IMPG1: variants seen among roughly 807,000 people sequenced by gnomAD.
The protein encoded by IMPG1 is interphotoreceptor matrix proteoglycan of 150 kDa.
Under a neutral mutation model 92.0 loss-of-function variants are expected in IMPG1, and 85 were observed. The observed-to-expected ratio is 0.92, with a 90% CI of 0.78 to 1.11. IMPG1 has a LOEUF of 1.11. Among genes scored for constraint, IMPG1 ranks in the 50% least tolerant of loss-of-function variants. The pLI is 0.00. For synonymous variants in IMPG1, 367 were observed against 334.1 expected, an observed-to-expected ratio of 1.10 and a Z score of -1.08; for missense variants, 1,022 against 956.0, an observed-to-expected ratio of 1.07 and a Z score of -0.91.
chr6:76,029,097 G>A (rs866143425), intron 4 of IMPG1, among the ~76,000 whole-genome samples: 5 of 152,226 alleles, frequency 3.3e-5, no homozygotes, highest in Non-Finnish European at 5.9e-5. Flanking sequence ...ACTCAGTGGG[G>A]AAACTGGCCT....
intron 1 of IMPG1, among the ~76,000 whole-genome samples, chr6:76,066,884 C>G (rs1784319023): frequency 6.6e-6 from 1 of 151,968 alleles, no homozygotes; most frequent in South Asian, 2.1e-4. Flanking sequence ...AACTAGAAAT[C>G]AATCCCAAGA....
chr6:75,927,663 A>T (rs1781579850), intron 15 of IMPG1, among the ~76,000 whole-genome samples: 1 of 151,946 alleles, frequency 6.6e-6, no homozygotes, highest in African/African-American at 2.4e-5. Flanking sequence ...AAAAGGGCAA[A>T]ATTGGGGTAA....
chr6:75,944,442 GACTT>G (rs530699315), intron 14 of IMPG1, among the ~76,000 whole-genome samples: 50 of 152,218 alleles, frequency 3.3e-4, no homozygotes, highest in African/African-American at 1.0e-3. Context: ...ATCCATATTT[GACTT>G]ACTAATTCTG....
At chr6:75,971,240 TTC>T (rs1426029799) in intron 12 of IMPG1, among the ~76,000 whole-genome samples, 1 of 149,316 alleles carries the variant, frequency 6.7e-6, no homozygotes, top group African/African-American at 2.5e-5. Context: ...ACACCGCATG[TTC>T]TCACTCATAG....
intron 5 of IMPG1, among the ~76,000 whole-genome samples, chr6:76,022,635 A>T (rs949766726): frequency 2.6e-5 from 4 of 152,226 alleles, no homozygotes; most frequent in Admixed American, 2.6e-4. Flanking sequence ...TAAGATTTTA[A>T]TCAGAAAATC....
chr6:76,010,908 A>G (rs1327662060), intron 8 of IMPG1, among the ~76,000 whole-genome samples: 2 of 152,224 alleles, frequency 1.3e-5, no homozygotes, highest in Non-Finnish European at 2.9e-5. Context: ...AAGACAGCAG[A>G]TGAGCTCTCT....
At chr6:75,985,152 C>A (rs1001746664) in intron 12 of IMPG1, among the ~76,000 whole-genome samples, 2 of 152,042 alleles carry the variant, frequency 1.3e-5, no homozygotes, top group Non-Finnish European at 2.9e-5. Flanking sequence ...ATAGTTTGAG[C>A]CATTTGAAAT....
At chr6:76,063,821 C>G (rs141752556) in intron 1 of IMPG1, among the ~76,000 whole-genome samples, 2 of 152,116 alleles carry the variant, frequency 1.3e-5, no homozygotes, top group South Asian at 4.1e-4. Flanking sequence ...GAGTGCTGCT[C>G]CTAAAGGAAA....
chr6:75,990,588 TACACACACACAC>T (rs112985372), intron 12 of IMPG1, among the ~76,000 whole-genome samples: 15 of 145,008 alleles, frequency 1.0e-4, no homozygotes, highest in Middle Eastern at 3.5e-3. Flanking sequence ...ACCCCACCTC[TACACACACACAC>T]ACACACACAC....
At position 75,952,141 on chromosome 6, in the gene IMPG1, A is replaced by T. The variant is rs534244688; in HGVS notation, c.1292-1047T>A. ...GAGAAAGTGGTGGGAACTTTCAGAT[A>T]AACAGATTGTTGAATTATTAAAATA... is the stretch of plus-strand genomic sequence containing the variant. On this transcript the variant is annotated intron_variant, in intron 12 of 16. Transcript: ENST00000369950. Among the ~76,000 whole-genome samples, 31 of 152,344 alleles carry T rather than the reference A, an allele frequency of 2.0e-4. 1 individual carries two copies. Among genetic ancestry groups the T allele is most frequent in the Admixed American group, 2.0e-3 (31 of 15,298 alleles).
Position 75,947,482 on chromosome 6 carries a change from G to T in IMPG1, c.1876C>A (p.Leu626Ile), listed in dbSNP as rs1051579797. ...ATCACACTCCCGTTTCTGAAGTTAA[G>T]TATTTCAAGTTGCTTAAATCCTGTA... ...NLTGFKQLEI[L>I]NFRNGSVIVN... Residue 626 changes from leucine (L) to isoleucine (I), a missense_variant, in exon 14 of 17, where the codon CTT (leucine) becomes ATT (isoleucine). Leu to Ile is a conservative substitution (Grantham distance 5). Coordinates refer to ENST00000369950, the MANE Select transcript of IMPG1 (RefSeq NM_001563.4). 1 of 1,613,658 alleles carries T rather than the reference G, an allele frequency of 6.2e-7. No individual in the cohort carries two copies. The highest frequency in any genetic ancestry group is 8.5e-7 in the Non-Finnish European group (1 of 1,179,814).
chr6:75,973,601 G>A (rs1336980548), intron 12 of IMPG1, among the ~76,000 whole-genome samples: 1 of 152,112 alleles, frequency 6.6e-6, no homozygotes, highest in African/African-American at 2.4e-5. Context: ...GAAAACTGAG[G>A]CACAGAGAAA....
At chr6:76,049,696 C>T (rs1013740369) in intron 1 of IMPG1, among the ~76,000 whole-genome samples, 1 of 152,054 alleles carries the variant, frequency 6.6e-6, no homozygotes, top group Non-Finnish European at 1.5e-5. Context: ...GGTTTTGTAA[C>T]AAAACAGACA....
chr6:76,029,953 A>T (rs1435429245), intron 4 of IMPG1, among the ~76,000 whole-genome samples: 1 of 152,010 alleles, frequency 6.6e-6, no homozygotes, highest in Non-Finnish European at 1.5e-5. Flanking sequence ...TCCCAAACTC[A>T]ATTCCAAGCT....
intron 13 of IMPG1, among the ~76,000 whole-genome samples, chr6:75,949,967 A>G (rs528570915): frequency 5.9e-4 from 90 of 152,234 alleles, no homozygotes; most frequent in African/African-American, 2.1e-3. Flanking sequence ...TTGTATATGT[A>G]TTTCTTATTG....
chr6:75,976,175 T>C (rs2149467764), intron 12 of IMPG1, among the ~76,000 whole-genome samples: 1 of 152,352 alleles, frequency 6.6e-6, no homozygotes. Context: ...TACATTTAAA[T>C]GAGGGTCATT....
chr6:76,001,962 G>T lies in IMPG1; in HGVS notation c.1291+956C>A, dbSNP rs541133135. On this transcript the variant is annotated intron_variant, in intron 12 of 16. Transcript: ENST00000369950. The stretch of plus-strand genomic sequence containing the variant: ...GAAATACCTTGCATTCTGTAAAATG[G>T]CATACTAATTGCACAGTGTTTATGA... Among the ~76,000 whole-genome samples the T allele has an allele frequency of 2.6e-5, 4 of 152,122 alleles. No homozygotes were observed. The East Asian group carries it at 5.8e-4, about 22-fold the overall frequency.
At chr6:75,924,567 TTATATATAATTAATATAATTATATATTA>T (rs1562334759) in intron 15 of IMPG1, among the ~76,000 whole-genome samples, 2 of 31,990 alleles carry the variant, frequency 6.3e-5, no homozygotes, top group Admixed American at 1.3e-3. Flanking sequence ...TAATTATATA[TTATATATAATTAATATAATTATATATTA>T]TATATAATTA....
rs920994782 is a variant in IMPG1 at position 76,007,423 on chromosome 6, T to C, written c.887+57A>G. 1.3e-5 allele frequency: 17 copies of C among 1,309,460 alleles called. No homozygotes were observed. In the African/African-American group the frequency reaches 2.1e-4, roughly 16 times the overall value. 81.1% of individuals were successfully genotyped at this position (1,309,460 alleles called of 1,614,324 possible). On this transcript the variant is annotated intron_variant, in intron 9 of 16. Coordinates refer to ENST00000369950, the MANE Select transcript of IMPG1 (RefSeq NM_001563.4). ...AAAAATTATTTGTGCAAAATCAGTATATAAATTTGGGGGAGACGGGAATGT... is the reference window on the plus strand; with the variant it reads ...AAAAATTATTTGTGCAAAATCAGTACATAAATTTGGGGGAGACGGGAATGT...
Sources: gnomAD v4.1 joint callset for allele counts (sites outside exome capture counted in the v4.1 genomes callset) on GRCh38, gnomAD v4.1.1 for gene constraint, MANE v1.5 for transcripts, NCBI Gene and HGNC (gene_info 2026-07-23, HGNC 2026-07-21) for gene names.